Variants in POC5 observed in about 807,000 individuals in gnomAD.
POC5 encodes the protein POC5 centriolar protein.
A neutral mutation model predicts 62.9 loss-of-function variants in POC5; 48 were observed. The observed-to-expected ratio is 0.76, with a 90% CI of 0.61 to 0.97. The LOEUF is 0.97. POC5 is among the 50% of genes least tolerant of loss of function. The pLI is 0.00. For synonymous variants in POC5, 236 were observed against 228.2 expected, an observed-to-expected ratio of 1.03 and a Z score of -0.31; for missense variants, 696 against 679.5, an observed-to-expected ratio of 1.02 and a Z score of -0.27.
In POC5 at chr5:75,702,624, AG is replaced by A. The variant is rs771017401; in HGVS notation, c.493del (p.Leu165PhefsTer14). Reference protein sequence around the residue: ...NLQKMENVLDLWSSGLKTNII... With the variant: ...NLQKMENVLDXWSSGLKTNII... ...CCGTACCTTAAGACCTGAACTCCAA[AG>A]ATCAAGCACATTTTCCATCTTCTGA... On this transcript the variant is annotated frameshift_variant, in exon 5 of 12. Transcript: ENST00000428202. LOFTEE classifies it high-confidence loss of function. The A allele has an allele frequency of 6.2e-7, 1 of 1,613,354 alleles. No homozygotes were observed. The highest frequency in any genetic ancestry group is 1.3e-5 in the African/African-American group (1 of 75,074).
intron 4 of POC5, 36 bp downstream of exon 4, chr5:75,705,668 G>A: frequency 7.9e-7 from 1 of 1,265,182 alleles, no homozygotes. Context: ...ACAAAATGTT[G>A]TATATTAATA....
chr5:75,689,651 G>T, intron 8 of POC5: 1 of 985,230 alleles, frequency 1.0e-6, no homozygotes, highest in Middle Eastern at 5.2e-4. Flanking sequence ...AAACCTCAGG[G>T]GACTGCATTT....
chr5:75,695,446 T>C (rs1028096438), intron 5 of POC5, among the ~76,000 whole-genome samples: 13 of 152,164 alleles, frequency 8.5e-5, no homozygotes, highest in African/African-American at 3.1e-4. Flanking sequence ...TGACTTACAC[T>C]ATTCTAAGTA....
chr5:75,699,017 G>T (rs1776740256), intron 5 of POC5, among the ~76,000 whole-genome samples: 2 of 152,024 alleles, frequency 1.3e-5, no homozygotes, highest in African/African-American at 2.4e-5. Flanking sequence ...GACTAAACCA[G>T]GAAGAAGTTG....
At chr5:75,693,077 A>T (rs963087450) in intron 6 of POC5, among the ~76,000 whole-genome samples, 4 of 143,682 alleles carry the variant, frequency 2.8e-5, no homozygotes. Context: ...TATACATATA[A>T]CTATTAATAA....
At chr5:75,690,233 A>T in intron 8 of POC5, 150 bp downstream of exon 8, 1 of 792,674 alleles carries the variant, frequency 1.3e-6, no homozygotes, top group African/African-American at 1.8e-5. Flanking sequence ...AATATACAAT[A>T]AACATTAAAT....
chr5:75,675,405 A>G (rs1489626988), intron 11 of POC5, among the ~76,000 whole-genome samples: 1 of 152,220 alleles, frequency 6.6e-6, no homozygotes, highest in Admixed American at 6.5e-5. Flanking sequence ...TCTTCCACTT[A>G]GAAAAGTCAT....
At chr5:75,708,202 C>T (rs1385168254) in intron 2 of POC5, among the ~76,000 whole-genome samples, 2 of 152,016 alleles carry the variant, frequency 1.3e-5, no homozygotes, top group African/African-American at 4.8e-5. Context: ...CAAAAATTTG[C>T]TAGGTGTGGT....
chr5:75,674,523 C>G lies in POC5; in HGVS notation c.1640G>C (p.Ser547Thr), dbSNP rs780025693. ...AKYPRTIHPE[S>T]STSASRSLGT... ...AAGTGATCTGGAAGCTGAGGTACTA[C>G]TTTCAGGATGAATGGTCCGGGGATA... The change falls in exon 12 of 12, where the codon AGT becomes ACT. Residue 547 changes from serine to threonine, a missense_variant. By Grantham distance (58) the Ser-to-Thr change is moderately conservative (BLOSUM62 1). Transcript: ENST00000428202. The G allele has an allele frequency of 5.0e-6, 8 of 1,613,990 alleles. No individual in the cohort carries two copies. Among genetic ancestry groups the G allele is most frequent in the Middle Eastern group, 3.3e-4 (2 of 6,062 alleles).
chr5:75,702,163 G>A (rs1021805655), intron 5 of POC5, among the ~76,000 whole-genome samples: 1 of 152,008 alleles, frequency 6.6e-6, no homozygotes, highest in Non-Finnish European at 1.5e-5. Flanking sequence ...GGCCTGTCAG[G>A]GGGTGGAGGG....
intron 5 of POC5, among the ~76,000 whole-genome samples, chr5:75,702,202 A>G (rs376692427): frequency 2.6e-5 from 4 of 152,020 alleles, no homozygotes; most frequent in Non-Finnish European, 5.9e-5. Context: ...TAGGACACAT[A>G]CCTAATGCAT....
Position 75,685,310 on chromosome 5 carries a change from G to A in POC5, c.1304C>T (p.Ala435Val). 2 of 1,614,030 alleles carry A rather than the reference G, an allele frequency of 1.2e-6. No individual in the cohort carries two copies. Among genetic ancestry groups the A allele is most frequent in the Middle Eastern group, 1.6e-4 (1 of 6,062 alleles). The change falls in exon 10 of 12, where the codon GCT becomes GTT. Residue 435 changes from alanine (A) to valine (V), a missense_variant. Transcript: ENST00000428202. Reference sequence around the variant, plus strand: ...AGCCCTGGTAGAAGTCATCGAAGCAGCTGAGGGAACGGCAGTCGCGCTGGC... The same window carrying A: ...AGCCCTGGTAGAAGTCATCGAAGCAACTGAGGGAACGGCAGTCGCGCTGGC... ...GGASATAVPS[A>V]ASMTSTRAAS...
chr5:75,694,396 G>A (rs1051935298), intron 6 of POC5, among the ~76,000 whole-genome samples: 2 of 152,026 alleles, frequency 1.3e-5, no homozygotes, highest in Admixed American at 1.3e-4. Context: ...ATACATTTAT[G>A]GGTTACAAGG....
At chr5:75,697,026 G>A (rs1274730740) in intron 5 of POC5, among the ~76,000 whole-genome samples, 2 of 152,108 alleles carry the variant, frequency 1.3e-5, no homozygotes, top group Admixed American at 6.6e-5. Flanking sequence ...AAAGAAACGA[G>A]CAAAGCCTCC....
intron 5 of POC5, among the ~76,000 whole-genome samples, chr5:75,700,326 A>C (rs1776813913): frequency 6.6e-6 from 1 of 151,300 alleles, no homozygotes; most frequent in African/African-American, 2.4e-5. Flanking sequence ...CTATACTACA[A>C]GGCTACAGTA....
intron 10 of POC5, among the ~76,000 whole-genome samples, chr5:75,683,090 AT>A (rs1349210264): frequency 2.0e-5 from 3 of 152,228 alleles, no homozygotes; most frequent in Non-Finnish European, 4.4e-5. Flanking sequence ...CCTAAAACTT[AT>A]TCTGCCTCTT....
intron 1 of POC5, among the ~76,000 whole-genome samples, chr5:75,716,389 G>GT (rs1251349929): frequency 1.0e-5 from 1 of 99,410 alleles, no homozygotes; most frequent in African/African-American, 3.7e-5. Context: ...GGGGTGGGGG[G>GT]GGGGGGGTGC....
At chr5:75,712,715 T>C in intron 2 of POC5, 139 bp downstream of exon 2, 1 of 755,980 alleles carries the variant, frequency 1.3e-6, no homozygotes, top group South Asian at 1.8e-5. Flanking sequence ...GTACAGTAAT[T>C]CCTGAAGTTT....
In POC5 at chr5:75,694,718, A is replaced by T; in HGVS notation, c.627T>A (p.Asn209Lys). ...KHAAHLKQLCNQINELKELQK... is the reference protein window; with the variant it reads ...KHAAHLKQLCKQINELKELQK... ...GCAGCTCCTTCAATTCATTGATCTG[A>T]TTACACAGTTGTTTTAAATGTGCTG... Residue 209 changes from asparagine to lysine, a missense_variant, in exon 6 of 12, where the codon AAT becomes AAA. Physicochemically the swap from Asn to Lys is moderately conservative, Grantham distance 94. Transcript: ENST00000428202. The T allele has an allele frequency of 6.2e-7, 1 of 1,605,650 alleles. No individual in the cohort carries two copies. The highest frequency in any genetic ancestry group is 8.5e-7 in the Non-Finnish European group (1 of 1,175,368).
Sources: allele counts gnomAD v4.1 joint callset (sites outside exome capture counted in the v4.1 genomes callset), GRCh38; gene constraint gnomAD v4.1.1; transcripts MANE v1.5; gene names NCBI Gene and HGNC (gene_info 2026-07-23, HGNC 2026-07-21).